Variants in SDC2 observed in about 807,000 individuals in gnomAD.
SDC2 encodes syndecan-2.
In SDC2, 13 loss-of-function variants were observed where a neutral mutation model predicts 22.2. That is an observed-to-expected ratio of 0.59 (90% CI 0.38 to 0.93). The LOEUF (loss-of-function observed/expected upper bound fraction) is 0.93. Ranked by LOEUF, SDC2 falls within the 40% of genes least tolerant of loss-of-function variation. The pLI is 0.00. For missense variants in SDC2, 235 were observed against 246.8 expected (o/e 0.95, Z 0.32); for synonymous variants, 94 against 92.8 (o/e 1.01, Z -0.07).
At chr8:96,532,515 C>T (rs1248370458) in intron 1 of SDC2, among the ~76,000 whole-genome samples, 1 of 137,450 alleles carries the variant, frequency 7.3e-6, no homozygotes, top group South Asian at 2.3e-4. Flanking sequence ...CCTTAGTTAA[C>T]GTTAAATTCC....
chr8:96,522,947 G>T (rs1476143537), intron 1 of SDC2, among the ~76,000 whole-genome samples: 1 of 152,132 alleles, frequency 6.6e-6, no homozygotes, highest in Non-Finnish European at 1.5e-5. Context: ...CCCACCTGCT[G>T]CTTTTGCCTA....
chr8:96,524,108 C>T (rs915202207), intron 1 of SDC2, among the ~76,000 whole-genome samples: 1 of 152,248 alleles, frequency 6.6e-6, no homozygotes, highest in African/African-American at 2.4e-5. Context: ...CGTTGGGAAA[C>T]TATGTGTGGA....
chr8:96,530,583 G>C (rs2243441), intron 1 of SDC2, among the ~76,000 whole-genome samples: 34,663 of 151,992 alleles, frequency 0.23, 4,798 homozygotes, highest in African/African-American at 0.39. Context: ...GCAGTGAGCT[G>C]TGATCGTACC....
chr8:96,506,935 A>C (rs1029156213), intron 1 of SDC2, among the ~76,000 whole-genome samples: 2 of 149,628 alleles, frequency 1.3e-5, no homozygotes, highest in Non-Finnish European at 3.0e-5. Flanking sequence ...CGTGAACCCG[A>C]GAGGTGGAGA....
intron 2 of SDC2, among the ~76,000 whole-genome samples, chr8:96,597,714 C>T (rs1007228780): frequency 2.6e-5 from 4 of 152,074 alleles, no homozygotes; most frequent in African/African-American, 7.2e-5. Flanking sequence ...GTGGGACTGT[C>T]GTGTCAAAAA....
At chr8:96,548,836 G>A (rs141169541) in intron 1 of SDC2, among the ~76,000 whole-genome samples, 1 of 152,294 alleles carries the variant, frequency 6.6e-6, no homozygotes, top group East Asian at 1.9e-4. Flanking sequence ...AGGGTCGTAC[G>A]CTTCACTGAC....
At chr8:96,536,153 T>C (rs1267440374) in intron 1 of SDC2, among the ~76,000 whole-genome samples, 1 of 151,956 alleles carries the variant, frequency 6.6e-6, no homozygotes, top group East Asian at 1.9e-4. Context: ...TTTTTTTTTT[T>C]TCCTTTTGTT....
At chr8:96,594,720 T>A (rs957081581) in intron 2 of SDC2, among the ~76,000 whole-genome samples, 8 of 152,106 alleles carry the variant, frequency 5.3e-5, no homozygotes, top group Admixed American at 3.9e-4. Flanking sequence ...ACTGGGTAAT[T>A]TATAAAAGAA....
intron 1 of SDC2, among the ~76,000 whole-genome samples, chr8:96,543,845 A>G (rs1813889886): frequency 6.6e-6 from 1 of 152,208 alleles, no homozygotes; most frequent in African/African-American, 2.4e-5. Context: ...ATAAATTTAT[A>G]ATTTTTCAAA....
At chr8:96,595,843 C>G (rs960643914) in intron 2 of SDC2, among the ~76,000 whole-genome samples, 1 of 152,190 alleles carries the variant, frequency 6.6e-6, no homozygotes, top group Non-Finnish European at 1.5e-5. Flanking sequence ...AGTCCTGAAC[C>G]CACTGATCAG....
intron 1 of SDC2, among the ~76,000 whole-genome samples, chr8:96,569,779 C>T (rs1175332161): frequency 4.6e-5 from 7 of 152,138 alleles, no homozygotes; most frequent in African/African-American, 1.7e-4. Context: ...TGGGTGTCTT[C>T]TCAAAGGTCG....
intron 1 of SDC2, among the ~76,000 whole-genome samples, chr8:96,521,668 A>G (rs994722802): frequency 6.6e-6 from 1 of 152,222 alleles, no homozygotes; most frequent in Non-Finnish European, 1.5e-5. Flanking sequence ...TTTATTTCAC[A>G]TCTGTGTCGG....
At chr8:96,554,150 A>G (rs1178894400) in intron 1 of SDC2, among the ~76,000 whole-genome samples, 1 of 152,158 alleles carries the variant, frequency 6.6e-6, no homozygotes, top group Non-Finnish European at 1.5e-5. Flanking sequence ...TCTCTGTATA[A>G]TAAAGTAATT....
intron 1 of SDC2, among the ~76,000 whole-genome samples, chr8:96,526,518 G>A (rs1813581020): frequency 6.6e-6 from 1 of 152,154 alleles, no homozygotes; most frequent in Non-Finnish European, 1.5e-5. Flanking sequence ...TTTTCAAGGA[G>A]GCAGGGAGAC....
chr8:96,530,884 G>A (rs1813651048), intron 1 of SDC2, among the ~76,000 whole-genome samples: 1 of 152,196 alleles, frequency 6.6e-6, no homozygotes, highest in East Asian at 1.9e-4. Flanking sequence ...GAATGGCGGA[G>A]CTAAGATGGA....
In SDC2 at chr8:96,500,025, A is replaced by G. The variant is rs115852183; in HGVS notation, c.60+5694A>G. On this transcript the variant is annotated intron_variant, in intron 1 of 4. Transcript: ENST00000302190. ...TGAAGAAGTTTCACGCTGGCCACTG[A>G]AGGCATTATGGTTCAGGGTCAACTG... Among the ~76,000 whole-genome samples the G allele has an allele frequency of 5.8e-3, 890 of 152,272 alleles. 10 individuals carry two copies. The highest frequency in any genetic ancestry group is 0.02 in the African/African-American group (851 of 41,562).
chr8:96,562,000 C>T (rs772922791), intron 1 of SDC2, among the ~76,000 whole-genome samples: 9 of 151,982 alleles, frequency 5.9e-5, no homozygotes, highest in Non-Finnish European at 1.0e-4. Context: ...AATTATAATG[C>T]AGTCTAGCTT....
chr8:96,542,764 T>G (rs1813872229), intron 1 of SDC2, among the ~76,000 whole-genome samples: 2 of 152,280 alleles, frequency 1.3e-5, no homozygotes, highest in Admixed American at 6.5e-5. Context: ...AATATGAGAT[T>G]TTCCATCTCT....
intron 1 of SDC2, among the ~76,000 whole-genome samples, chr8:96,561,867 G>A (rs1814215614): frequency 6.6e-6 from 1 of 152,176 alleles, no homozygotes; most frequent in African/African-American, 2.4e-5. Flanking sequence ...CACAACCTTT[G>A]GATAACAGTC....
Sources: gnomAD v4.1 joint callset for allele counts (sites outside exome capture counted in the v4.1 genomes callset) on GRCh38, gnomAD v4.1.1 for gene constraint, MANE v1.5 for transcripts, NCBI Gene and HGNC (gene_info 2026-07-23, HGNC 2026-07-21) for gene names.